CUBN: variants seen among roughly 807,000 people sequenced by gnomAD.
The protein encoded by CUBN is cubilin.
CUBN carries 282 observed loss-of-function variants against 405.3 expected under a neutral mutation model. That is an observed-to-expected ratio of 0.70 (90% CI 0.63 to 0.77). The LOEUF (loss-of-function observed/expected upper bound fraction) is 0.77, where lower values mean the gene tolerates loss of function less well. CUBN is among the 30% of genes least tolerant of loss of function. The probability of loss-of-function intolerance (pLI) is 0.00; values close to 1 mark genes in which losing one functional copy is unlikely to be tolerated. For missense variants in CUBN, 4,514 were observed against 4,475.2 expected (o/e 1.01, Z -0.25); for synonymous variants, 1,684 against 1,617.0 (o/e 1.04, Z -0.99).
intron 39 of CUBN, among the ~76,000 whole-genome samples, chr10:16,936,049 A>C (rs922998413): frequency 1.3e-5 from 2 of 152,108 alleles, no homozygotes; most frequent in African/African-American, 4.8e-5. Flanking sequence ...AGTAAACTCT[A>C]AAATTCTCTT....
rs939048091 is a variant in CUBN, at chr10:17,065,492, A to G, written c.3139+16T>C. ...ATGGAGTCAATAAAACCGAGTATGC[A>G]ATGCTGTTTTGTTACCTGTTGCTGC... On this transcript the variant is annotated intron_variant, in intron 22 of 66. Transcript: ENST00000377833. The G allele has an allele frequency of 6.2e-6, 10 of 1,612,556 alleles. No individual in the cohort carries two copies. The highest frequency in any genetic ancestry group is 5.3e-5 in the African/African-American group (4 of 74,838).
intron 60 of CUBN, among the ~76,000 whole-genome samples, chr10:16,846,717 C>G (rs1839518826): frequency 6.7e-6 from 1 of 150,366 alleles, no homozygotes. Context: ...GAGGCCGAGG[C>G]AGGAGAATCA....
At chr10:17,097,717 C>T (rs1468173279) in intron 14 of CUBN, among the ~76,000 whole-genome samples, 2 of 151,998 alleles carry the variant, frequency 1.3e-5, no homozygotes, top group Non-Finnish European at 2.9e-5. Context: ...ATTCACCATT[C>T]AAAATCAATC....
intron 31 of CUBN, among the ~76,000 whole-genome samples, chr10:16,977,961 C>T (rs1204282978): frequency 1.3e-5 from 2 of 152,190 alleles, no homozygotes; most frequent in Non-Finnish European, 2.9e-5. Flanking sequence ...GAAATGATGT[C>T]TAGAATGTTA....
chr10:16,987,539 G>A (rs187849378), intron 29 of CUBN, among the ~76,000 whole-genome samples: 23 of 152,230 alleles, frequency 1.5e-4, no homozygotes, highest in East Asian at 3.9e-4. Flanking sequence ...GCCACTTTCC[G>A]GACTCTGATT....
chr10:16,899,074 A>G lies in CUBN; in HGVS notation c.8520T>C (p.Ser2840=). 6.2e-7 allele frequency: 1 copy of G among 1,613,696 alleles called. No individual in the cohort carries two copies. Among genetic ancestry groups the G allele is most frequent in the East Asian group, 2.2e-5 (1 of 44,880 alleles). ...RCSWTAITHK[S]KHLEISFDNN... ...TGTCAAAGCTGATCTCCAAGTGTTT[A>G]CTTTTGTGAGTAATGGCCGTCCAGG... is the stretch of plus-strand genomic sequence containing the variant. Residue 2840 remains serine, a synonymous_variant, in exon 54 of 67, where the codon AGT becomes AGC. Coordinates refer to ENST00000377833, the MANE Select transcript of CUBN (RefSeq NM_001081.4).
chr10:17,071,064 T>A (rs948613960), intron 19 of CUBN, among the ~76,000 whole-genome samples: 14 of 152,324 alleles, frequency 9.2e-5, no homozygotes, highest in African/African-American at 3.1e-4. Flanking sequence ...GAGTGTTTCA[T>A]CATGAAAGGA....
chr10:17,085,815 G>A (rs573342466), intron 15 of CUBN, 56 bp from the exon 16 acceptor site: 3 of 1,477,752 alleles, frequency 2.0e-6, no homozygotes, highest in East Asian at 2.3e-5. Flanking sequence ...TAACAAACTA[G>A]GTCACTTTGG....
intron 17 of CUBN, 152 bp downstream of exon 17, chr10:17,084,119 T>C: frequency 1.4e-6 from 1 of 729,018 alleles, no homozygotes; most frequent in South Asian, 1.6e-5. Context: ...GCCTGCACCT[T>C]AGTCATTAGA....
intron 44 of CUBN, among the ~76,000 whole-genome samples, chr10:16,919,563 C>T (rs1479495998): frequency 6.6e-6 from 1 of 152,094 alleles, no homozygotes; most frequent in Non-Finnish European, 1.5e-5. Context: ...CAGTGCTGAC[C>T]CCTGGTGACA....
At chr10:17,007,089 G>A (rs561918211) in intron 28 of CUBN, among the ~76,000 whole-genome samples, 16 of 152,292 alleles carry the variant, frequency 1.1e-4, no homozygotes, top group African/African-American at 3.6e-4. Context: ...TGGGAGCAAC[G>A]ACCAGAAGAG....
intron 17 of CUBN, among the ~76,000 whole-genome samples, chr10:17,083,546 T>TACATACATACATACAC (rs1836022704): frequency 6.6e-6 from 1 of 152,076 alleles, no homozygotes; most frequent in Admixed American, 6.6e-5. Flanking sequence ...CATACATACA[T>TACATACATACATACAC]ACTGCTGTAG....
chr10:16,890,652 G>T, intron 54 of CUBN, 125 bp from the exon 55 acceptor site: 1 of 925,700 alleles, frequency 1.1e-6, no homozygotes, highest in Non-Finnish European at 1.8e-6. Flanking sequence ...AACAAAACAT[G>T]GACAAATCTG....
chr10:16,924,052 C>G (rs1373178736), intron 43 of CUBN, among the ~76,000 whole-genome samples: 1 of 152,060 alleles, frequency 6.6e-6, no homozygotes, highest in Non-Finnish European at 1.5e-5. Context: ...GCCTGGGCGA[C>G]AGAGAGACCC....
intron 27 of CUBN, among the ~76,000 whole-genome samples, chr10:17,027,115 T>C (rs1834688337): frequency 6.6e-6 from 1 of 152,246 alleles, no homozygotes; most frequent in South Asian, 2.1e-4. Context: ...TACATTTTTA[T>C]TCTGCTTTCT....
chr10:16,956,057 T>G (rs7905189), intron 31 of CUBN, among the ~76,000 whole-genome samples: 104,477 of 152,020 alleles, frequency 0.69, 36,539 homozygotes, highest in African/African-American at 0.82. Flanking sequence ...TGTAAGGAAG[T>G]TACTCGCAAG....
At position 16,884,004 on chromosome 10, in the gene CUBN, G is replaced by C. The variant is rs186401432; in HGVS notation, c.8905+4413C>G. 1.1e-4 allele frequency among the ~76,000 whole-genome samples: 17 copies of C among 152,240 alleles called. No individual in the cohort carries two copies. In the East Asian group the frequency reaches 2.5e-3, roughly 22 times the overall value. ...TTATGTATTTATTTATTTTGAGACA[G>C]AGTCTTGCTCTGTTGTCCAGGCTGG... On this transcript the variant is annotated intron_variant, in intron 56 of 66. Coordinates refer to ENST00000377833, the MANE Select transcript of CUBN (RefSeq NM_001081.4).
In CUBN at chr10:16,851,961, A is replaced by C. The variant is rs1482286180; in HGVS notation, c.9455-518T>G. ...CCCTCCCTCCATCTTTCCCTCCCTCAATCTTTCCCTCCCTCCCTCTATCTT... is the reference window on the plus strand; with the variant it reads ...CCCTCCCTCCATCTTTCCCTCCCTCCATCTTTCCCTCCCTCCCTCTATCTT... On this transcript the variant is annotated intron_variant, in intron 59 of 66. Coordinates refer to ENST00000377833, the MANE Select transcript of CUBN (RefSeq NM_001081.4). Among the ~76,000 whole-genome samples, 145 of 15,388 alleles carry C rather than the reference A, an allele frequency of 9.4e-3. 1 individual carries two copies. The highest frequency in any genetic ancestry group is 0.05 in the Middle Eastern group (1 of 20). 10.1% of individuals were successfully genotyped at this position (15,388 alleles called of 152,430 possible). A position where few individuals can be genotyped will look rare whatever the true frequency, so the allele number is the denominator to read the frequency against.
rs1028745897 is a variant in CUBN at position 16,954,667 on chromosome 10, G to A, written c.4696-119C>T. On this transcript the variant is annotated intron_variant, in intron 31 of 66. Transcript: ENST00000377833. Reference sequence around the variant, plus strand: ...TAATCACACGTTTGCTGGATCTAGGGAAACTGGCTTTATTGTCCTTTCTCA... The same window carrying A: ...TAATCACACGTTTGCTGGATCTAGGAAAACTGGCTTTATTGTCCTTTCTCA... 5 of 1,114,718 alleles carry A rather than the reference G, an allele frequency of 4.5e-6. No individual in the cohort carries two copies. The African/African-American group carries it at 7.7e-5, about 17-fold the overall frequency. 69.1% of individuals were successfully genotyped at this position (1,114,718 alleles called of 1,614,324 possible). A position where few individuals can be genotyped will look rare whatever the true frequency, so the allele number is the denominator to read the frequency against.
Sources: gnomAD v4.1 joint callset for allele counts (sites outside exome capture counted in the v4.1 genomes callset) on GRCh38, gnomAD v4.1.1 for gene constraint, MANE v1.5 for transcripts, NCBI Gene and HGNC (gene_info 2026-07-23, HGNC 2026-07-21) for gene names.